Variants in ITGA8 observed in about 807,000 individuals in gnomAD.
The protein encoded by ITGA8 is integrin subunit alpha 8, also known as integrin alpha-8.
ITGA8 carries 91 observed loss-of-function variants against 142.3 expected under a neutral mutation model. The ratio of observed to expected loss-of-function variants is 0.64; its 90% CI spans 0.54 to 0.76. The LOEUF (loss-of-function observed/expected upper bound fraction) is 0.76. ITGA8 is among the 30% of genes least tolerant of loss of function. The pLI is 0.00. For missense variants in ITGA8, 1,406 were observed against 1,327.7 expected, an observed-to-expected ratio of 1.06 and a Z score of -0.92; for synonymous variants, 505 against 485.2, an observed-to-expected ratio of 1.04 and a Z score of -0.54.
At chr10:15,595,297 A>G (rs568782542) in intron 21 of ITGA8, among the ~76,000 whole-genome samples, 1 of 152,278 alleles carries the variant, frequency 6.6e-6, no homozygotes, top group Non-Finnish European at 1.5e-5. Flanking sequence ...CTGCTTTTCC[A>G]TTTGGAATTT....
intron 11 of ITGA8, among the ~76,000 whole-genome samples, chr10:15,654,881 C>T (rs1307084164): frequency 2.0e-5 from 3 of 152,188 alleles, no homozygotes; most frequent in East Asian, 1.9e-4. Flanking sequence ...CAAAATTCAC[C>T]GTGCTGTTTG....
chr10:15,683,268 CCCATCCAT>C (rs1554787133), intron 4 of ITGA8, among the ~76,000 whole-genome samples: 10 of 109,320 alleles, frequency 9.1e-5, no homozygotes, highest in African/African-American at 3.0e-4. Flanking sequence ...GATGAATCCA[CCCATCCAT>C]CCATCCATCC....
chr10:15,574,582 G>A (rs9333195), intron 24 of ITGA8, among the ~76,000 whole-genome samples: 7,658 of 152,062 alleles, frequency 0.05, 250 homozygotes, highest in East Asian at 0.11. Flanking sequence ...GTAGGGATGG[G>A]GTTTGACCAT....
intron 2 of ITGA8, among the ~76,000 whole-genome samples, chr10:15,698,631 G>A (rs975483371): frequency 4.6e-5 from 7 of 152,096 alleles, no homozygotes; most frequent in South Asian, 2.1e-4. Flanking sequence ...GTATCACATC[G>A]TGGTTTTGAT....
intron 28 of ITGA8, among the ~76,000 whole-genome samples, chr10:15,521,199 T>G (rs1458904590): frequency 2.0e-5 from 3 of 152,000 alleles, no homozygotes; most frequent in African/African-American, 7.3e-5. Flanking sequence ...TTTTTTTGTA[T>G]TTTTAGTATA....
chr10:15,540,960 G>A (rs1270692625), intron 27 of ITGA8, among the ~76,000 whole-genome samples: 1 of 152,172 alleles, frequency 6.6e-6, no homozygotes, highest in Non-Finnish European at 1.5e-5. Flanking sequence ...CCATTTCCAT[G>A]GCAACGACCT....
intron 10 of ITGA8, among the ~76,000 whole-genome samples, chr10:15,655,847 A>G (rs1234267139): frequency 1.3e-5 from 2 of 152,146 alleles, no homozygotes; most frequent in Non-Finnish European, 2.9e-5. Flanking sequence ...GCATTCTGGG[A>G]GGCCCAGGCA....
intron 27 of ITGA8, among the ~76,000 whole-genome samples, chr10:15,541,866 C>T (rs1365041173): frequency 2.0e-5 from 3 of 151,628 alleles, no homozygotes; most frequent in Non-Finnish European, 4.4e-5. Context: ...AAATATGAAT[C>T]CAAAAGTTTA....
intron 21 of ITGA8, among the ~76,000 whole-genome samples, chr10:15,593,120 G>A (rs966575533): frequency 7.2e-5 from 11 of 152,240 alleles, no homozygotes; most frequent in South Asian, 6.2e-4. Flanking sequence ...GTGCGGATGC[G>A]CTATAGGAAA....
At position 15,662,416 on chromosome 10, in the gene ITGA8, G is replaced by T. The variant is rs1347420304; in HGVS notation, c.848-1494C>A. Among the ~76,000 whole-genome samples, 8 of 135,062 alleles carry T rather than the reference G, an allele frequency of 5.9e-5. No homozygotes were observed. The East Asian group carries it at 1.7e-3, about 29-fold the overall frequency. The allele number at this position is 135,062 out of a possible 152,430, so 88.6% of individuals were successfully genotyped here. A position where few individuals can be genotyped will look rare whatever the true frequency, so the allele number is the denominator to read the frequency against. On this transcript the variant is annotated intron_variant, in intron 8 of 29. Coordinates refer to ENST00000378076, the MANE Select transcript of ITGA8 (RefSeq NM_003638.3). ...AGTGGCATGATCATCATGGCTCACT[G>T]CAGCCTCAACCTCCTGGGCTCAAGC...
intron 27 of ITGA8, among the ~76,000 whole-genome samples, chr10:15,531,783 A>C (rs7072280): frequency 0.54 from 53,980 of 100,612 alleles, 10,116 homozygotes; most frequent in Non-Finnish European, 0.59. Flanking sequence ...ACTAAAAACC[A>C]GAAAAAAAAA....
chr10:15,664,294 T>A (rs1302922518), intron 8 of ITGA8, among the ~76,000 whole-genome samples: 1 of 152,194 alleles, frequency 6.6e-6, no homozygotes, highest in African/African-American at 2.4e-5. Context: ...TACTGCCTTT[T>A]AATACCTTGA....
chr10:15,555,862 A>AT (rs1242891462), intron 26 of ITGA8, among the ~76,000 whole-genome samples: 19 of 150,450 alleles, frequency 1.3e-4, no homozygotes, highest in Admixed American at 8.0e-4. Flanking sequence ...CGCCCGGATA[A>AT]TTTTTTTTGT....
chr10:15,701,654 G>A (rs1835167191), intron 2 of ITGA8, among the ~76,000 whole-genome samples: 1 of 152,178 alleles, frequency 6.6e-6, no homozygotes. Flanking sequence ...GAGAAGAGTT[G>A]TAACTCACAC....
At chr10:15,623,223 T>C (rs1230995219) in intron 13 of ITGA8, among the ~76,000 whole-genome samples, 22 of 152,124 alleles carry the variant, frequency 1.4e-4, no homozygotes, top group Admixed American at 1.4e-3. Flanking sequence ...ATTATCCCCA[T>C]CTTAGAATGA....
At chr10:15,642,647 C>T (rs1475670825) in intron 13 of ITGA8, among the ~76,000 whole-genome samples, 1 of 152,136 alleles carries the variant, frequency 6.6e-6, no homozygotes, top group Non-Finnish European at 1.5e-5. Context: ...ATAAATTTAA[C>T]TAGATGTTCT....
At chr10:15,694,074 A>C (rs1476299070) in intron 2 of ITGA8, among the ~76,000 whole-genome samples, 2 of 146,900 alleles carry the variant, frequency 1.4e-5, no homozygotes, top group East Asian at 3.9e-4. Flanking sequence ...ATTTTTAAAA[A>C]TCTATCTATA....
chr10:15,709,222 G>A (rs190611312), intron 2 of ITGA8, among the ~76,000 whole-genome samples: 2 of 152,160 alleles, frequency 1.3e-5, no homozygotes, highest in Non-Finnish European at 2.9e-5. Flanking sequence ...AAAGAATAAC[G>A]TGCAAGAGAT....
chr10:15,522,430 G>T (rs139331223), intron 28 of ITGA8, among the ~76,000 whole-genome samples: 6 of 152,224 alleles, frequency 3.9e-5, no homozygotes, highest in African/African-American at 1.4e-4. Context: ...TGCTGGAAGT[G>T]GACTCACACA....
Sources: allele counts gnomAD v4.1 joint callset (sites outside exome capture counted in the v4.1 genomes callset), GRCh38; gene constraint gnomAD v4.1.1; transcripts MANE v1.5; gene names NCBI Gene and HGNC (gene_info 2026-07-23, HGNC 2026-07-21).